Variants in UNG observed in about 807,000 individuals in gnomAD.
UNG encodes uracil DNA glycosylase.
A neutral mutation model predicts 36.5 loss-of-function variants in UNG; 34 were observed. The ratio of observed to expected loss-of-function variants is 0.93; its 90% CI spans 0.71 to 1.24. The LOEUF is 1.24. UNG is among the 50% of genes most tolerant of loss of function. UNG has a pLI of 0.00. For synonymous variants in UNG, 172 were observed against 157.8 expected, an observed-to-expected ratio of 1.09 and a Z score of -0.67; for missense variants, 391 against 397.6, an observed-to-expected ratio of 0.98 and a Z score of 0.14.
At chr12:109,099,092 A>G in intron 2 of UNG, 97 bp from the exon 3 acceptor site, 3 of 1,152,862 alleles carry the variant, frequency 2.6e-6, no homozygotes, top group Admixed American at 3.7e-5. Flanking sequence ...CAAAGAACTA[A>G]TGATGTTCCA....
chr12:109,101,311 C>T (rs948934049), intron 3 of UNG, among the ~76,000 whole-genome samples: 7 of 151,526 alleles, frequency 4.6e-5, no homozygotes, highest in Non-Finnish European at 4.4e-5. Flanking sequence ...CAGATGGTTT[C>T]GATATCTTGA....
In UNG at chr12:109,110,046, C is replaced by G. The variant is rs566676637; in HGVS notation, c.*77C>G. 87 of 1,603,324 alleles carry G rather than the reference C, an allele frequency of 5.4e-5. No homozygotes were observed. The highest frequency in any genetic ancestry group is 1.7e-5 in the Admixed American group (1 of 59,328). The stretch of plus-strand genomic sequence containing the variant: ...TTACGAAGTTCCACTGAAAATTTTC[C>G]TATTAATTCTTAAGTACTCTGCATA... On this transcript the variant is annotated 3_prime_UTR_variant, in exon 7 of 7. Coordinates refer to ENST00000242576, the MANE Select transcript of UNG (RefSeq NM_080911.3).
At position 109,097,638 on chromosome 12, in the gene UNG, G is replaced by A. The variant is rs1412475561; in HGVS notation, c.-42G>A. On this transcript the variant is annotated 5_prime_UTR_variant, in exon 1 of 7. Coordinates refer to ENST00000242576, the MANE Select transcript of UNG (RefSeq NM_080911.3). ...AGCCACAGCCAGGGCTAGCCTCGCCGGTTCCCGGGTGGCGCGCGTTCGCTG... is the reference window on the plus strand; with the variant it reads ...AGCCACAGCCAGGGCTAGCCTCGCCAGTTCCCGGGTGGCGCGCGTTCGCTG... The A allele has an allele frequency of 6.3e-7, 1 of 1,594,602 alleles. No individual in the cohort carries two copies.
chr12:109,107,001 G>A (rs950326044), intron 6 of UNG, among the ~76,000 whole-genome samples: 1 of 141,802 alleles, frequency 7.1e-6, no homozygotes, highest in Non-Finnish European at 1.5e-5. Context: ...TGTCACAGTT[G>A]CCTATAGTAT....
In UNG at chr12:109,098,637, A is replaced by G. The variant is rs778885373; in HGVS notation, c.338A>G (p.Lys113Arg). The G allele has an allele frequency of 1.3e-5, 21 of 1,613,406 alleles. No individual in the cohort carries two copies. The South Asian group carries it at 1.4e-4, about 11-fold the overall frequency. ...SGEFGKPYFIKLMGFVAEERK... is the reference protein window; with the variant it reads ...SGEFGKPYFIRLMGFVAEERK... ...GAGTTCGGGAAACCGTATTTTATCA[A>G]GGTAAATATGGAAATGCACCTTCCA... The change falls in exon 2 of 7, where the codon AAG becomes AGG. Residue 113 changes from lysine to arginine, a missense_variant and splice_region_variant. Lys to Arg is a conservative substitution (Grantham distance 26, BLOSUM62 2). Coordinates refer to ENST00000242576, the MANE Select transcript of UNG (RefSeq NM_080911.3).
intron 2 of UNG, 105 bp from the exon 3 acceptor site, chr12:109,099,084 A>G (rs1241410286): frequency 2.7e-6 from 3 of 1,108,220 alleles, no homozygotes; most frequent in Admixed American, 1.9e-5. Context: ...TAACATGACA[A>G]AGAACTAATG....
At chr12:109,099,858 T>G (rs188001189) in intron 3 of UNG, among the ~76,000 whole-genome samples, 1 of 152,120 alleles carries the variant, frequency 6.6e-6, no homozygotes, top group African/African-American at 2.4e-5. Context: ...GGGAGGATCA[T>G]TTGAGGTCAG....
Position 109,098,421 on chromosome 12 carries a change from A to AC in UNG, c.133-9dup. ...CAGCTCTTGAGCCGCCTCTGCGGGG[A>AC]CCACTTGCAGGCCATCCCAGCCAAG... is the stretch of plus-strand genomic sequence containing the variant. On this transcript the variant is annotated splice_polypyrimidine_tract_variant and intron_variant, in intron 1 of 6. Transcript: ENST00000242576. 1 of 1,605,274 alleles carries AC rather than the reference A, an allele frequency of 6.2e-7. No individual in the cohort carries two copies. The highest frequency in any genetic ancestry group is 1.7e-5 in the Admixed American group (1 of 58,732).
chr12:109,109,763 CAAA>C (rs71079524), intron 6 of UNG, 63 bp from the exon 7 acceptor site: 501 of 1,296,478 alleles, frequency 3.9e-4, no homozygotes, highest in Admixed American at 6.8e-4. Flanking sequence ...GACTCTGTCT[CAAA>C]AAAAAAAAAA....
rs1593318701 is a variant in UNG at position 109,098,423 on chromosome 12, C to T, written c.133-9C>T. 1.2e-6 allele frequency: 2 copies of T among 1,605,016 alleles called. No individual in the cohort carries two copies. The highest frequency in any genetic ancestry group is 8.5e-7 in the Non-Finnish European group (1 of 1,175,916). Reference sequence around the variant, plus strand: ...GCTCTTGAGCCGCCTCTGCGGGGACCACTTGCAGGCCATCCCAGCCAAGAA... The same window carrying T: ...GCTCTTGAGCCGCCTCTGCGGGGACTACTTGCAGGCCATCCCAGCCAAGAA... On this transcript the variant is annotated splice_polypyrimidine_tract_variant and intron_variant, in intron 1 of 6. Transcript: ENST00000242576.
At chr12:109,098,049 T>C in intron 1 of UNG, 3 of 1,369,064 alleles carry the variant, frequency 2.2e-6, no homozygotes, top group Non-Finnish European at 9.5e-7. Flanking sequence ...CCGCAGGCCC[T>C]CCTGGCTCGG....
rs545043536 is a variant in UNG, at chr12:109,103,367, C to G, written c.623-66C>G. Reference sequence around the variant, plus strand: ...CATTGGTTTCATCATGGATTTAGCTCCTGTTGCTGGGTATTGGGCTGATTT... The same window carrying G: ...CATTGGTTTCATCATGGATTTAGCTGCTGTTGCTGGGTATTGGGCTGATTT... On this transcript the variant is annotated intron_variant, in intron 5 of 6. Coordinates refer to ENST00000242576, the MANE Select transcript of UNG (RefSeq NM_080911.3). The G allele has an allele frequency of 2.1e-6, 3 of 1,459,494 alleles. No homozygotes were observed. In the African/African-American group the frequency reaches 4.2e-5, roughly 20 times the overall value. The allele number at this position is 1,459,494 out of a possible 1,614,324, so 90.4% of individuals were successfully genotyped here. A position where few individuals can be genotyped will look rare whatever the true frequency, so the allele number is the denominator to read the frequency against.
rs990883898 is a variant in UNG at position 109,097,696 on chromosome 12, C to T, written c.17C>T (p.Thr6Met). Residue 6 changes from threonine to methionine, a missense_variant, in exon 1 of 7, where the codon ACG (threonine) becomes ATG (methionine). Physicochemically the swap from Thr to Met is moderately conservative, Grantham distance 81 (BLOSUM62 -1). Coordinates refer to ENST00000242576, the MANE Select transcript of UNG (RefSeq NM_080911.3). MIGQK[T>M]LYSFFSPSPA... is the part of the protein sequence containing the mutation. ...AGCTCCAGGATGATCGGCCAGAAGA[C>T]GCTCTACTCCTTTTTCTCCCCCAGC... The T allele has an allele frequency of 1.2e-6, 2 of 1,603,168 alleles. No individual in the cohort carries two copies. Among genetic ancestry groups the T allele is most frequent in the East Asian group, 2.3e-5 (1 of 44,162 alleles).
Position 109,098,547 on chromosome 12 carries a change from T to C in UNG, c.248T>C (p.Leu83Pro). Residue 83 changes from leucine (L) to proline (P), a missense_variant, in exon 2 of 7, where the codon CTC (leucine) becomes CCC (proline). Leu to Pro is a moderately conservative substitution (Grantham distance 98). Coordinates refer to ENST00000242576, the MANE Select transcript of UNG (RefSeq NM_080911.3). ...CAGAGGAACAAGGCCGCGGCCCTGCTCAGACTCGCGGCCCGCAACGTGCCC... is the reference window on the plus strand; with the variant it reads ...CAGAGGAACAAGGCCGCGGCCCTGCCCAGACTCGCGGCCCGCAACGTGCCC... ...RIQRNKAAAL[L>P]RLAARNVPVG... 6.2e-7 allele frequency: 1 copy of C among 1,613,230 alleles called. No individual in the cohort carries two copies. The highest frequency in any genetic ancestry group is 8.5e-7 in the Non-Finnish European group (1 of 1,179,992).
intron 3 of UNG, 41 bp from the exon 4 acceptor site, chr12:109,101,861 A>C (rs1475151851): frequency 1.3e-6 from 2 of 1,553,194 alleles, no homozygotes; most frequent in Non-Finnish European, 1.8e-6. Context: ...TGCTGCTTAC[A>C]TTACAGTATT....
chr12:109,106,316 C>T (rs771739648), intron 6 of UNG, among the ~76,000 whole-genome samples: 9 of 152,076 alleles, frequency 5.9e-5, no homozygotes, highest in South Asian at 2.1e-4. Context: ...GCCTCGACCC[C>T]GGGCAGTCTG....
At chr12:109,104,055 G>GTTTTTGTTTTTTGT in intron 6 of UNG, among the ~76,000 whole-genome samples, 1 of 148,140 alleles carries the variant, frequency 6.8e-6, no homozygotes, top group East Asian at 2.0e-4. Context: ...TTGTTTCTGG[G>GTTTTTGTTTTTTGT]TTTTTTGTTT....
chr12:109,099,589 C>A (rs1012815127), intron 3 of UNG, among the ~76,000 whole-genome samples: 1 of 150,984 alleles, frequency 6.6e-6, no homozygotes, highest in African/African-American at 2.5e-5. Flanking sequence ...CAAACTGACA[C>A]ACAAAGCAGT....
intron 6 of UNG, among the ~76,000 whole-genome samples, chr12:109,107,848 A>AT (rs1280455703): frequency 6.6e-6 from 1 of 151,826 alleles, no homozygotes; most frequent in African/African-American, 2.4e-5. Context: ...TTGTGGCGAG[A>AT]TTTTTTTGTT....
Sources: allele counts gnomAD v4.1 joint callset (sites outside exome capture counted in the v4.1 genomes callset), GRCh38; gene constraint gnomAD v4.1.1; transcripts MANE v1.5; gene names NCBI Gene and HGNC (gene_info 2026-07-23, HGNC 2026-07-21).